RSRC2: variants seen among roughly 807,000 people sequenced by gnomAD.
RSRC2 encodes arginine/serine-rich coiled-coil protein 2.
In RSRC2, 5 loss-of-function variants were observed where a neutral mutation model predicts 61.3. The observed-to-expected ratio is 0.08, with a 90% CI of 0.04 to 0.17. RSRC2 has a LOEUF of 0.17. RSRC2 is among the 10% of genes least tolerant of loss of function. The pLI is 1.00. For synonymous variants in RSRC2, 202 were observed against 166.5 expected, an observed-to-expected ratio of 1.21 and a Z score of -1.64; for missense variants, 381 against 518.8, an observed-to-expected ratio of 0.73 and a Z score of 2.58.
intron 7 of RSRC2, among the ~76,000 whole-genome samples, chr12:122,509,419 C>T (rs1565888693): frequency 6.7e-6 from 1 of 149,768 alleles, no homozygotes; most frequent in African/African-American, 2.5e-5. Context: ...CACTGTACTC[C>T]AGCACAGGCG....
chr12:122,511,378 A>C (rs1250716293), intron 6 of RSRC2, among the ~76,000 whole-genome samples, 190 bp from the exon 7 acceptor site: 1 of 152,148 alleles, frequency 6.6e-6, no homozygotes, highest in Middle Eastern at 3.2e-3. Flanking sequence ...CATTTGAAGA[A>C]TACCACAACA....
intron 6 of RSRC2, chr12:122,513,965 A>C (rs987682563): frequency 6.8e-5 from 13 of 191,068 alleles, no homozygotes; most frequent in African/African-American, 3.1e-4. Flanking sequence ...CCAGGAATTC[A>C]AGTATGCAGT....
intron 7 of RSRC2, among the ~76,000 whole-genome samples, chr12:122,510,863 A>AG (rs1958454008): frequency 6.6e-6 from 1 of 152,042 alleles, no homozygotes; most frequent in Admixed American, 6.6e-5. Context: ...TTGGCAACAT[A>AG]GTGAAAGGTC....
intron 1 of RSRC2, chr12:122,523,442 T>A (rs1440720127): frequency 6.6e-6 from 1 of 152,142 alleles, no homozygotes; most frequent in Non-Finnish European, 1.5e-5. Context: ...CTTGAACCCA[T>A]GAGGCAGACG....
intron 1 of RSRC2, among the ~76,000 whole-genome samples, chr12:122,524,135 C>T (rs1428468481): frequency 6.6e-6 from 1 of 152,178 alleles, no homozygotes; most frequent in Admixed American, 6.5e-5. Context: ...GATCCAGCAA[C>T]ATTAGCTGAC....
At chr12:122,518,206 T>A (rs1010015614) in intron 4 of RSRC2, among the ~76,000 whole-genome samples, 1 of 151,830 alleles carries the variant, frequency 6.6e-6, no homozygotes, top group African/African-American at 2.4e-5. Flanking sequence ...AGGCTTGAGG[T>A]CAGATCACTT....
At chr12:122,517,494 A>T (rs1959029198) in intron 4 of RSRC2, 64 bp from the exon 5 acceptor site, 1 of 1,594,106 alleles carries the variant, frequency 6.3e-7, no homozygotes, top group Admixed American at 1.7e-5. Flanking sequence ...TATACACATC[A>T]TGAATTAGTT....
At chr12:122,515,046 C>G in intron 6 of RSRC2, 59 bp downstream of exon 6, 2 of 1,555,944 alleles carry the variant, frequency 1.3e-6, no homozygotes, top group Admixed American at 3.7e-5. Context: ...ATCTTATCCA[C>G]ACAATTGAGC....
rs766957878 is a variant in RSRC2, at chr12:122,505,748, GATAA to G, written c.1126-46_1126-43del. 7 of 1,507,998 alleles carry G rather than the reference GATAA, an allele frequency of 4.6e-6. No individual in the cohort carries two copies. In the Admixed American group the frequency reaches 9.2e-5, roughly 20 times the overall value. 93.4% of individuals were successfully genotyped at this position (1,507,998 alleles called of 1,614,324 possible). ...AAACATTACAATGAATTCAGATGGA[GATAA>G]ATATTCTCTCACTTGACACTATTTT... On this transcript the variant is annotated intron_variant, in intron 9 of 9. Coordinates refer to ENST00000331738, the MANE Select transcript of RSRC2 (RefSeq NM_023012.6).
At chr12:122,515,013 T>A in intron 6 of RSRC2, 92 bp downstream of exon 6, 2 of 1,362,874 alleles carry the variant, frequency 1.5e-6, no homozygotes, top group Admixed American at 2.0e-5. Context: ...AGTATGTGAA[T>A]CATTCTCTTA....
At chr12:122,510,421 A>G (rs2137441536) in intron 7 of RSRC2, among the ~76,000 whole-genome samples, 1 of 152,254 alleles carries the variant, frequency 6.6e-6, no homozygotes, top group East Asian at 1.9e-4. Flanking sequence ...TCCCAGCTAC[A>G]GGGGAGGCTG....
At chr12:122,511,054 A>G in intron 7 of RSRC2, 55 bp downstream of exon 7, 2 of 1,360,076 alleles carry the variant, frequency 1.5e-6, no homozygotes. Flanking sequence ...GTGAAAAACA[A>G]AAAAGCTTGA....
At chr12:122,508,709 C>G (rs886669483) in intron 7 of RSRC2, among the ~76,000 whole-genome samples, 1 of 152,116 alleles carries the variant, frequency 6.6e-6, no homozygotes, top group African/African-American at 2.4e-5. Flanking sequence ...GTAATCCCAG[C>G]ACTTTGGGAG....
chr12:122,511,223 CAATAT>C, intron 6 of RSRC2, 35 bp from the exon 7 acceptor site: 1 of 1,458,284 alleles, frequency 6.9e-7, no homozygotes, highest in Non-Finnish European at 9.5e-7. Flanking sequence ...TAAAATAACA[CAATAT>C]AAAACCATTA....
chr12:122,522,885 C>T (rs1228502949), intron 1 of RSRC2: 1 of 152,172 alleles, frequency 6.6e-6, no homozygotes, highest in Non-Finnish European at 1.5e-5. Context: ...TATGGTCTGC[C>T]TCTCCTCACA....
intron 8 of RSRC2, among the ~76,000 whole-genome samples, chr12:122,507,443 A>G (rs564166591): frequency 1.1e-4 from 16 of 152,028 alleles, no homozygotes; most frequent in South Asian, 2.1e-4. Context: ...CTTTTTCAAC[A>G]TGCAATTTTT....
At chr12:122,508,496 A>G (rs761362136) in intron 7 of RSRC2, 49 bp from the exon 8 acceptor site, 18 of 1,392,754 alleles carry the variant, frequency 1.3e-5, no homozygotes, top group East Asian at 1.2e-4. Context: ...TTTAAAACAT[A>G]AACCTCCTGA....
At chr12:122,510,978 G>A (rs745681169) in intron 7 of RSRC2, 131 bp downstream of exon 7, 15 of 639,856 alleles carry the variant, frequency 2.3e-5, no homozygotes, top group Non-Finnish European at 4.0e-5. Flanking sequence ...GAGCCTGGGA[G>A]TTTGAGGCTA....
intron 1 of RSRC2, among the ~76,000 whole-genome samples, chr12:122,524,760 G>GA (rs1289358575): frequency 6.6e-6 from 1 of 151,998 alleles, no homozygotes; most frequent in Non-Finnish European, 1.5e-5. Context: ...AGGTATCCAG[G>GA]AAAAAAACCT....
Sources: allele counts gnomAD v4.1 joint callset (sites outside exome capture counted in the v4.1 genomes callset), GRCh38; gene constraint gnomAD v4.1.1; transcripts MANE v1.5; gene names NCBI Gene and HGNC (gene_info 2026-07-23, HGNC 2026-07-21).